TP73: variants seen among roughly 807,000 people sequenced by gnomAD.
TP73 encodes the protein tumor protein p73, also known as p53-like transcription factor.
In TP73, 25 loss-of-function variants were observed where a neutral mutation model predicts 62.5. The ratio of observed to expected loss-of-function variants is 0.40; its 90% confidence interval spans 0.29 to 0.56. TP73 has a LOEUF of 0.56. Among genes scored for constraint, TP73 ranks in the 20% least tolerant of loss-of-function variants. The probability of loss-of-function intolerance (pLI) is 0.46; values close to 1 mark genes in which losing one functional copy is unlikely to be tolerated. For synonymous variants in TP73, 423 were observed against 377.5 expected, an observed-to-expected ratio of 1.12 and a Z score of -1.40; for missense variants, 754 against 913.3, an observed-to-expected ratio of 0.83 and a Z score of 2.25.
Position 3,666,124 on chromosome 1 carries a change from C to CAAAA in TP73, c.-34+13507_-34+13510dup, listed in dbSNP as rs59432695. ...GGGCAACAAGAGCAAAACTCTGTCTCAAAAAAAAAAAAAAAAAAAAAAAAA... is the reference window on the plus strand; with the variant it reads ...GGGCAACAAGAGCAAAACTCTGTCTCAAAAAAAAAAAAAAAAAAAAAAAAAAAAA... On this transcript the variant is annotated intron_variant, in intron 1 of 13. Transcript: ENST00000378295. The surrounding 1 kb of genome is among the most constrained non-coding windows in gnomAD (Gnocchi z 6.4). Among the ~76,000 whole-genome samples the CAAAA allele has an allele frequency of 1.3e-3, 52 of 41,056 alleles. No homozygotes were observed. Among genetic ancestry groups the CAAAA allele is most frequent in the South Asian group, 1.2e-3 (1 of 840 alleles). The allele number at this position is 41,056 out of a possible 152,430, so 26.9% of individuals were successfully genotyped here. A position where few individuals can be genotyped will look rare whatever the true frequency, so the allele number is the denominator to read the frequency against.
rs1197660893 is a variant in TP73, at chr1:3,701,678, T to C, written c.187-5871T>C. On this transcript the variant is annotated intron_variant, in intron 3 of 13. Transcript: ENST00000378295. This position sits in a 1 kb window ranked among gnomAD's most constrained non-coding sequence, Gnocchi z 4.7. ...CACCACCACGCCCAGCTAATTTTTT[T>C]TTGTAGTTTTAGTAGAGACGGGGTT... 6.6e-6 allele frequency among the ~76,000 whole-genome samples: 1 copy of C among 151,968 alleles called. No individual in the cohort carries two copies. The highest frequency in any genetic ancestry group is 1.5e-5 in the Non-Finnish European group (1 of 67,988).
Position 3,662,550 on chromosome 1 carries a change from T to A in TP73, c.-34+9909T>A, listed in dbSNP as rs1340694129. On this transcript the variant is annotated intron_variant, in intron 1 of 13. Transcript: ENST00000378295. This position sits in a 1 kb window ranked among gnomAD's most constrained non-coding sequence, Gnocchi z 4.4. Reference sequence around the variant, plus strand: ...ACCTGGAGCCGCTCTCCTCCCGGCATAGAGACCTTTACGAATGGAAATGTC... The same window carrying A: ...ACCTGGAGCCGCTCTCCTCCCGGCAAAGAGACCTTTACGAATGGAAATGTC... 6.6e-6 allele frequency among the ~76,000 whole-genome samples: 1 copy of A among 152,214 alleles called. No individual in the cohort carries two copies. The highest frequency in any genetic ancestry group is 1.5e-5 in the Non-Finnish European group (1 of 68,036).
intron 4 of TP73, among the ~76,000 whole-genome samples, chr1:3,710,337 G>A (rs1255084280): frequency 1.3e-5 from 2 of 152,126 alleles, no homozygotes; most frequent in East Asian, 1.9e-4. Context: ...GCTCTCTGGG[G>A]CCAGAACCCC....
At chr1:3,687,887 C>T (rs1362802229) in intron 3 of TP73, among the ~76,000 whole-genome samples, 1 of 152,178 alleles carries the variant, frequency 6.6e-6, no homozygotes, top group Non-Finnish European at 1.5e-5. Context: ...AACCCAGTGG[C>T]AGGACAGACA....
chr1:3,689,121 A>G (rs557130011), intron 3 of TP73, among the ~76,000 whole-genome samples: 2 of 152,232 alleles, frequency 1.3e-5, no homozygotes, highest in African/African-American at 4.8e-5. Context: ...TCCCAGGCTC[A>G]GAAGCAGAAG....
intron 3 of TP73, among the ~76,000 whole-genome samples, chr1:3,695,479 C>T (rs1298779996): frequency 6.6e-6 from 1 of 152,234 alleles, no homozygotes; most frequent in Non-Finnish European, 1.5e-5. Flanking sequence ...CCCACCCTGC[C>T]CCTCCGCATG....
intron 12 of TP73, 151 bp from the exon 13 acceptor site, chr1:3,731,312 C>G (rs1251916901): frequency 1.9e-5 from 18 of 943,392 alleles, no homozygotes; most frequent in Non-Finnish European, 9.5e-6. Context: ...CGTCCCCTCC[C>G]TGAGGGATGC....
chr1:3,690,943 C>G, intron 3 of TP73: 1 of 1,579,110 alleles, frequency 6.3e-7, no homozygotes, highest in Non-Finnish European at 8.6e-7. Context: ...CACCTCGCCA[C>G]GGTAGGTGTG....
intron 1 of TP73, among the ~76,000 whole-genome samples, chr1:3,665,157 C>T (rs1645082812): frequency 6.6e-6 from 1 of 152,164 alleles, no homozygotes; most frequent in African/African-American, 2.4e-5. Context: ...CTCATAATTA[C>T]AAGAGTCTCC....
At chr1:3,654,083 A>C (rs1644815086) in intron 1 of TP73, among the ~76,000 whole-genome samples, 1 of 152,232 alleles carries the variant, frequency 6.6e-6, no homozygotes, top group African/African-American at 2.4e-5. Flanking sequence ...CTGAGGCACA[A>C]GAATTGCTTG....
chr1:3,671,704 C>T (rs537854716), intron 1 of TP73, among the ~76,000 whole-genome samples: 19 of 152,350 alleles, frequency 1.2e-4, no homozygotes, highest in African/African-American at 4.3e-4. Context: ...CGCTGGGTTC[C>T]TCTGAGGATT....
At chr1:3,676,808 C>T (rs1018692069) in intron 1 of TP73, among the ~76,000 whole-genome samples, 4 of 151,860 alleles carry the variant, frequency 2.6e-5, no homozygotes, top group South Asian at 2.1e-4. Context: ...AGCCTCAGCT[C>T]GGAGCCATGG....
At chr1:3,664,773 G>A (rs1303923697) in intron 1 of TP73, among the ~76,000 whole-genome samples, 1 of 152,182 alleles carries the variant, frequency 6.6e-6, no homozygotes, top group Non-Finnish European at 1.5e-5. Context: ...GCCTCAGAGA[G>A]GGGTATCTCT....
At chr1:3,725,876 T>C (rs1641508452) in intron 6 of TP73, among the ~76,000 whole-genome samples, 1 of 91,354 alleles carries the variant, frequency 1.1e-5, no homozygotes, top group African/African-American at 4.5e-5. Flanking sequence ...GGTGGGTGGA[T>C]GGATGGATGG....
At chr1:3,727,818 A>C in intron 8 of TP73, 48 bp downstream of exon 8, 1 of 1,481,628 alleles carries the variant, frequency 6.7e-7, no homozygotes, top group Non-Finnish European at 9.0e-7. Context: ...GGAGAAGGGG[A>C]CACATTGGCA....
intron 3 of TP73, among the ~76,000 whole-genome samples, chr1:3,684,187 G>T (rs934545240): frequency 6.6e-6 from 1 of 152,224 alleles, no homozygotes; most frequent in African/African-American, 2.4e-5. Flanking sequence ...CGCTGGACTC[G>T]TCAGCTGCTC....
chr1:3,690,972 C>T, intron 3 of TP73: 1 of 1,568,652 alleles, frequency 6.4e-7, no homozygotes, highest in South Asian at 1.2e-5. Flanking sequence ...TTCATAGGAT[C>T]TCTTCGGGGA....
intron 5 of TP73, among the ~76,000 whole-genome samples, chr1:3,722,920 CCT>C (rs1286719500): frequency 5.4e-5 from 8 of 147,914 alleles, no homozygotes; most frequent in South Asian, 2.2e-4. Context: ...GGAGTGGGCA[CCT>C]CTCTGCACCT....
chr1:3,667,373 G>C (rs1179244161), intron 1 of TP73, among the ~76,000 whole-genome samples: 8 of 152,224 alleles, frequency 5.3e-5, no homozygotes, highest in Non-Finnish European at 1.0e-4. Context: ...GCTGCTCATT[G>C]TGTGGTCATT....
Sources: gnomAD v4.1 joint callset for allele counts (sites outside exome capture counted in the v4.1 genomes callset) on GRCh38, gnomAD v4.1.1 for gene constraint, Gnocchi (gnomAD v3.1) non-coding constraint, MANE v1.5 for transcripts, NCBI Gene and HGNC (gene_info 2026-07-23, HGNC 2026-07-21) for gene names.